Variants in MDGA2 observed in about 807,000 individuals in gnomAD.
MDGA2 encodes the protein MAM domain-containing glycosylphosphatidylinositol anchor protein 2.
A neutral mutation model predicts 117.8 loss-of-function variants in MDGA2; 40 were observed. That is an observed-to-expected ratio of 0.34 (90% confidence interval 0.26 to 0.44). The LOEUF is 0.44. MDGA2 is among the 20% of genes least tolerant of loss of function. The probability of loss-of-function intolerance (pLI) is 1.00; values close to 1 mark genes in which losing one functional copy is unlikely to be tolerated. For missense variants in MDGA2, 1,123 were observed against 1,250.6 expected (o/e 0.90, Z 1.54); for synonymous variants, 452 against 439.0 (o/e 1.03, Z -0.37).
At chr14:47,436,235 T>A (rs1892895364) in intron 1 of MDGA2, among the ~76,000 whole-genome samples, 1 of 152,140 alleles carries the variant, frequency 6.6e-6, no homozygotes, top group Non-Finnish European at 1.5e-5. Context: ...GATAAGAAAT[T>A]CAAGATTTTT....
At chr14:47,160,707 T>C (rs1192768178) in intron 3 of MDGA2, among the ~76,000 whole-genome samples, 1 of 152,094 alleles carries the variant, frequency 6.6e-6, no homozygotes, top group Admixed American at 6.6e-5. Context: ...CAGACAAACA[T>C]AAAACTCTGC....
At chr14:47,626,841 C>T (rs1428097412) in intron 1 of MDGA2, among the ~76,000 whole-genome samples, 7 of 152,240 alleles carry the variant, frequency 4.6e-5, no homozygotes, top group Non-Finnish European at 1.0e-4. Flanking sequence ...TGACGAGCGC[C>T]GCCCCCTGCT....
intron 1 of MDGA2, among the ~76,000 whole-genome samples, chr14:47,536,005 T>G (rs1008540147): frequency 6.6e-6 from 1 of 152,232 alleles, no homozygotes; most frequent in African/African-American, 2.4e-5. Context: ...CTCATGGCAA[T>G]GGCAGAACCC....
chr14:47,221,362 C>CA (rs952304457), intron 2 of MDGA2, among the ~76,000 whole-genome samples: 5 of 151,910 alleles, frequency 3.3e-5, no homozygotes, highest in African/African-American at 1.2e-4. Context: ...TAAAGTATCA[C>CA]AAAAAAATCA....
rs1896255162 is a variant in MDGA2, at chr14:47,582,900, C to T, written c.280+91617G>A. 3.3e-5 allele frequency among the ~76,000 whole-genome samples: 5 copies of T among 151,950 alleles called. No individual in the cohort carries two copies. In the South Asian group the frequency reaches 1.0e-3, roughly 31 times the overall value. On this transcript the variant is annotated intron_variant, in intron 1 of 16. Transcript: ENST00000399232. Reference sequence around the variant, plus strand: ...ACCTCTTTGTCAGGTTCAACTCAGTCTCTCACTGCATAAGCTTCTAATTAC... The same window carrying T: ...ACCTCTTTGTCAGGTTCAACTCAGTTTCTCACTGCATAAGCTTCTAATTAC...
At chr14:47,404,081 A>G (rs1470746515) in intron 1 of MDGA2, among the ~76,000 whole-genome samples, 1 of 152,162 alleles carries the variant, frequency 6.6e-6, no homozygotes. Flanking sequence ...AATTTATATT[A>G]AATAAATTTG....
rs1280624061 is a variant in MDGA2 at position 47,534,486 on chromosome 14, G to A, written c.280+140031C>T. 3.3e-5 allele frequency among the ~76,000 whole-genome samples: 5 copies of A among 152,296 alleles called. No individual in the cohort carries two copies. In the South Asian group the frequency reaches 1.0e-3, roughly 32 times the overall value. ...CAGAAAGCTTAAAATCCTGGTGGAA[G>A]GGGAAGCAGGCATGTCTTACATAGC... On this transcript the variant is annotated intron_variant, in intron 1 of 16. Transcript: ENST00000399232.
intron 2 of MDGA2, among the ~76,000 whole-genome samples, chr14:47,218,823 A>T (rs895244190): frequency 3.3e-5 from 5 of 152,124 alleles, no homozygotes; most frequent in Non-Finnish European, 7.4e-5. Flanking sequence ...TTTAAAAAAT[A>T]ATGTAAACTT....
chr14:46,974,869 A>G (rs1445433151), intron 8 of MDGA2, among the ~76,000 whole-genome samples: 1 of 152,054 alleles, frequency 6.6e-6, no homozygotes, highest in Middle Eastern at 3.4e-3. Flanking sequence ...TGGAATTCGT[A>G]TTTTTTTTCA....
intron 3 of MDGA2, among the ~76,000 whole-genome samples, chr14:47,170,172 T>C (rs1367136566): frequency 6.6e-6 from 1 of 152,164 alleles, no homozygotes; most frequent in Non-Finnish European, 1.5e-5. Flanking sequence ...CTTTGGCTTC[T>C]AGTCTCACTC....
At chr14:47,304,122 A>G (rs892515831) in intron 1 of MDGA2, among the ~76,000 whole-genome samples, 2 of 152,182 alleles carry the variant, frequency 1.3e-5, no homozygotes, top group Non-Finnish European at 2.9e-5. Context: ...AGTATTCATC[A>G]AAATATGTGC....
At position 47,207,330 on chromosome 14, in the gene MDGA2, T is replaced by C. The variant is rs145580311; in HGVS notation, c.595+10691A>G. Reference sequence around the variant, plus strand: ...GCAGAGGGGCTTGGATTTGTAGTAATCAAAAACATAGAAAGAATGTAAATT... The same window carrying C: ...GCAGAGGGGCTTGGATTTGTAGTAACCAAAAACATAGAAAGAATGTAAATT... On this transcript the variant is annotated intron_variant, in intron 3 of 16. Transcript: ENST00000399232. Among the ~76,000 whole-genome samples the C allele has an allele frequency of 7.2e-3, 1,089 of 151,990 alleles. 15 individuals carry two copies. The highest frequency in any genetic ancestry group is 0.025 in the African/African-American group (1,043 of 41,496).
At position 47,596,669 on chromosome 14, in the gene MDGA2, AC is replaced by A. The variant is rs575073094; in HGVS notation, c.280+77847del. ...GTTTTCCTTCTATCCTCATACCCCT[AC>A]CAAAAATTACTACCAATATGATTAA... is the stretch of plus-strand genomic sequence containing the variant. On this transcript the variant is annotated intron_variant, in intron 1 of 16. Coordinates refer to ENST00000399232, the MANE Select transcript of MDGA2 (RefSeq NM_001113498.3). 2.3e-4 allele frequency among the ~76,000 whole-genome samples: 35 copies of A among 152,268 alleles called. No individual in the cohort carries two copies. In the South Asian group the frequency reaches 4.6e-3, roughly 20 times the overall value.
At chr14:47,607,876 C>T (rs1178645982) in intron 1 of MDGA2, among the ~76,000 whole-genome samples, 3 of 152,036 alleles carry the variant, frequency 2.0e-5, no homozygotes, top group African/African-American at 7.2e-5. Flanking sequence ...TGGCCTAATC[C>T]AGCCCCACAG....
rs969826878 is a variant in MDGA2 at position 47,227,440 on chromosome 14, C to G, written c.421-9245G>C. ...CATCCTGGCTCAGCTTCCTCCCTTT[C>G]CTCTCCTGCTTTCTTGCTCCATTAT... On this transcript the variant is annotated intron_variant, in intron 2 of 16. Coordinates refer to ENST00000399232, the MANE Select transcript of MDGA2 (RefSeq NM_001113498.3). Among the ~76,000 whole-genome samples the G allele has an allele frequency of 1.1e-4, 16 of 152,308 alleles. No homozygotes were observed. The East Asian group carries it at 2.1e-3, about 20-fold the overall frequency.
intron 6 of MDGA2, among the ~76,000 whole-genome samples, chr14:47,072,657 A>G (rs1431814981): frequency 2.6e-5 from 4 of 152,112 alleles, no homozygotes; most frequent in East Asian, 1.9e-4. Flanking sequence ...CCCAGGCCCA[A>G]TCCTCAGGTT....
chr14:47,074,081 G>A (rs10146235), intron 6 of MDGA2, among the ~76,000 whole-genome samples: 141,754 of 152,086 alleles, frequency 0.93, 66,153 homozygotes, highest in East Asian at 1. Context: ...AATTAAATTA[G>A]CATGATCATA....
intron 4 of MDGA2, among the ~76,000 whole-genome samples, chr14:47,139,772 A>C (rs1882624851): frequency 6.9e-6 from 1 of 143,970 alleles, no homozygotes; most frequent in African/African-American, 2.6e-5. Context: ...ATATATACAT[A>C]TATACACACA....
At chr14:47,609,220 G>A (rs565904477) in intron 1 of MDGA2, among the ~76,000 whole-genome samples, 31 of 150,414 alleles carry the variant, frequency 2.1e-4, no homozygotes, top group Admixed American at 4.7e-4. Flanking sequence ...CCTCCTACTC[G>A]TCTTCTCAAG....
Sources: gnomAD v4.1 joint callset for allele counts (sites outside exome capture counted in the v4.1 genomes callset) on GRCh38, gnomAD v4.1.1 for gene constraint, MANE v1.5 for transcripts, NCBI Gene and HGNC (gene_info 2026-07-23, HGNC 2026-07-21) for gene names.